PPP1R15B: variants seen among roughly 807,000 people sequenced by gnomAD.
The protein encoded by PPP1R15B is protein phosphatase 1 regulatory subunit 15B, also known as protein phosphatase 1, regulatory (inhibitor) subunit 15B.
PPP1R15B carries 31 observed loss-of-function variants against 53.9 expected under a neutral mutation model. That is an observed-to-expected ratio of 0.58 (90% CI 0.43 to 0.78). The LOEUF (loss-of-function observed/expected upper bound fraction) is 0.78, where lower values mean the gene tolerates loss of function less well. PPP1R15B is among the 30% of genes least tolerant of loss of function. The pLI is 0.00. For missense variants in PPP1R15B, 928 were observed against 849.6 expected (o/e 1.09, Z -1.15); for synonymous variants, 345 against 329.1 (o/e 1.05, Z -0.52).
At position 204,409,609 on chromosome 1, in the gene PPP1R15B, A is replaced by C; in HGVS notation, c.1803T>G (p.Cys601Trp). Residue 601 changes from cysteine to tryptophan, a missense_variant, in exon 1 of 2, where the codon TGT becomes TGG. Cys to Trp is a radical substitution (Grantham distance 215, BLOSUM62 -2). Transcript: ENST00000367188. ...GCACCTTACAAGAAAGTAAGGTGTG[A>C]CACTCAGAAATGGCCACAATGGACT... ...PSESIVAISECHTLLSCKVQL... is the reference protein window; with the variant it reads ...PSESIVAISEWHTLLSCKVQL... 1 of 1,614,142 alleles carries C rather than the reference A, an allele frequency of 6.2e-7. No individual in the cohort carries two copies. Among genetic ancestry groups the C allele is most frequent in the Non-Finnish European group, 8.5e-7 (1 of 1,180,028 alleles).
Position 204,410,518 on chromosome 1 carries a change from C to T in PPP1R15B, c.894G>A (p.Met298Ile), listed in dbSNP as rs1042018791. 1 of 1,614,054 alleles carries T rather than the reference C, an allele frequency of 6.2e-7. No individual in the cohort carries two copies. Among genetic ancestry groups the T allele is most frequent in the Non-Finnish European group, 8.5e-7 (1 of 1,180,046 alleles). ...EGLPEIHHLR[M>I]KRLEFLQQAS... Reference sequence around the variant, plus strand: ...CCTGTTGAAGGAATTCCAGCCGTTTCATGCGAAGATGGTGAATTTCTGGTA... The same window carrying T: ...CCTGTTGAAGGAATTCCAGCCGTTTTATGCGAAGATGGTGAATTTCTGGTA... The change falls in exon 1 of 2, where the codon ATG (methionine) becomes ATA (isoleucine). Residue 298 changes from methionine (M) to isoleucine (I), a missense_variant. Coordinates refer to ENST00000367188, the MANE Select transcript of PPP1R15B (RefSeq NM_032833.5).
At position 204,404,951 on chromosome 1, in the gene PPP1R15B, G is replaced by T; in HGVS notation, c.*1141C>A. The T allele has an allele frequency of 1.0e-6, 1 of 984,492 alleles. No individual in the cohort carries two copies. Among genetic ancestry groups the T allele is most frequent in the South Asian group, 4.7e-5 (1 of 21,254 alleles). The allele number at this position is 984,492 out of a possible 1,614,324, so 61.0% of individuals were successfully genotyped here. On this transcript the variant is annotated 3_prime_UTR_variant, in exon 2 of 2. Coordinates refer to ENST00000367188, the MANE Select transcript of PPP1R15B (RefSeq NM_032833.5). ...TTAATCTATACTTCTATCCTTTCCT[G>T]AAAGTAAAGGCCTTGCCATTACTTC...
At position 204,404,471 on chromosome 1, in the gene PPP1R15B, C is replaced by A. The variant is rs777134255; in HGVS notation, c.*1621G>T. 29 of 934,274 alleles carry A rather than the reference C, an allele frequency of 3.1e-5. No homozygotes were observed. The highest frequency in any genetic ancestry group is 3.6e-5 in the African/African-American group (2 of 55,648). The allele number at this position is 934,274 out of a possible 1,614,324, so 57.9% of individuals were successfully genotyped here. ...CTGCACTCCAAGCTGGGGGACCGAA[C>A]GAGACTCTGTCTCAAAAAAAAAAGA... On this transcript the variant is annotated 3_prime_UTR_variant, in exon 2 of 2. Coordinates refer to ENST00000367188, the MANE Select transcript of PPP1R15B (RefSeq NM_032833.5).
chr1:204,409,499 C>A lies in PPP1R15B; in HGVS notation c.1913G>T (p.Arg638Ile). 6.3e-7 allele frequency: 1 copy of A among 1,597,580 alleles called. No individual in the cohort carries two copies. Among genetic ancestry groups the A allele is most frequent in the South Asian group, 1.1e-5 (1 of 88,768 alleles). ...LSGGRHTHVK[R>I]KKVTFLEEVT... The stretch of plus-strand genomic sequence containing the variant: ...AAAAGACAAGAAACAAACCTTTTTT[C>A]TTTTGACATGTGTGTGTCTTCCTCC... The change falls in exon 1 of 2, where the codon AGA becomes ATA. Residue 638 changes from arginine (R) to isoleucine (I), a missense_variant. Physicochemically the swap from Arg to Ile is moderately conservative, Grantham distance 97. Transcript: ENST00000367188.
chr1:204,410,238 T>C lies in PPP1R15B; in HGVS notation c.1174A>G (p.Met392Val). The change falls in exon 1 of 2, where the codon ATG (methionine) becomes GTG (valine). Residue 392 changes from methionine (M) to valine (V), a missense_variant. By Grantham distance (21) the Met-to-Val change is conservative. Coordinates refer to ENST00000367188, the MANE Select transcript of PPP1R15B (RefSeq NM_032833.5). Reference sequence around the variant, plus strand: ...CGGCCCTCTCCAGGCTCCTTTTCCATAGGTATCTCACTAGATGGACAGCCC... The same window carrying C: ...CGGCCCTCTCCAGGCTCCTTTTCCACAGGTATCTCACTAGATGGACAGCCC... Reference protein sequence around the residue: ...SEGCPSSEIPMEKEPGEGRIS... With the variant: ...SEGCPSSEIPVEKEPGEGRIS... The C allele has an allele frequency of 6.2e-7, 1 of 1,614,172 alleles. No homozygotes were observed. Among genetic ancestry groups the C allele is most frequent in the South Asian group, 1.1e-5 (1 of 91,086 alleles).
downstream of PPP1R15B, among the ~76,000 whole-genome samples, chr1:204,396,889 A>T (rs1674107110): frequency 6.6e-6 from 1 of 152,178 alleles, no homozygotes; most frequent in African/African-American, 2.4e-5. Flanking sequence ...AGTCAATAAC[A>T]ATGTATTATA....
Position 204,403,875 on chromosome 1 carries a change from C to T in PPP1R15B, c.*2217G>A. 1.0e-6 allele frequency: 1 copy of T among 985,388 alleles called. No individual in the cohort carries two copies. 61.0% of individuals were successfully genotyped at this position (985,388 alleles called of 1,614,324 possible). The stretch of plus-strand genomic sequence containing the variant: ...CTTCTGATCACTTCTTCCAAGGAGG[C>T]TAGTATATGGAAGAACTCTTAATCA... On this transcript the variant is annotated 3_prime_UTR_variant, in exon 2 of 2. Coordinates refer to ENST00000367188, the MANE Select transcript of PPP1R15B (RefSeq NM_032833.5).
chr1:204,405,700 G>A lies in PPP1R15B; in HGVS notation c.*392C>T, dbSNP rs931279628. 5.7e-5 allele frequency: 56 copies of A among 987,750 alleles called. No individual in the cohort carries two copies. The African/African-American group carries it at 9.1e-4, about 16-fold the overall frequency. The allele number at this position is 987,750 out of a possible 1,614,324, so 61.2% of individuals were successfully genotyped here. A position where few individuals can be genotyped will look rare whatever the true frequency, so the allele number is the denominator to read the frequency against. On this transcript the variant is annotated 3_prime_UTR_variant, in exon 2 of 2. Coordinates refer to ENST00000367188, the MANE Select transcript of PPP1R15B (RefSeq NM_032833.5). ...AACAAGAAAGAGCCCAAAGTTTTCA[G>A]ATAGGCACACATAATTTAGATTAGA...
rs894767894 is a variant in PPP1R15B, at chr1:204,404,307, C to A, written c.*1785G>T. ...GACCAGTCTGGCCAACATAGCGAAA[C>A]CCCGTCTCTACTAAAAAGACACAAA... On this transcript the variant is annotated 3_prime_UTR_variant, in exon 2 of 2. Transcript: ENST00000367188. 1.1e-5 allele frequency: 8 copies of A among 738,444 alleles called. No homozygotes were observed. The highest frequency in any genetic ancestry group is 1.3e-5 in the Non-Finnish European group (8 of 605,090). The allele number at this position is 738,444 out of a possible 1,614,324, so 45.7% of individuals were successfully genotyped here.
In PPP1R15B at chr1:204,411,063, C is replaced by G; in HGVS notation, c.349G>C (p.Ala117Pro). Residue 117 changes from alanine (A) to proline (P), a missense_variant, in exon 1 of 2, where the codon GCC becomes CCC. Coordinates refer to ENST00000367188, the MANE Select transcript of PPP1R15B (RefSeq NM_032833.5). ...RALKGREKPAAPTAQKSLSSL... is the reference protein window; with the variant it reads ...RALKGREKPAPPTAQKSLSSL... ...CTCAAAGATTTCTGCGCTGTGGGGG[C>G]GGCTGGTTTCTCCCGTCCCTTCAGG... 1 of 1,614,182 alleles carries G rather than the reference C, an allele frequency of 6.2e-7. No individual in the cohort carries two copies. Among genetic ancestry groups the G allele is most frequent in the South Asian group, 1.1e-5 (1 of 91,086 alleles).
downstream of PPP1R15B, among the ~76,000 whole-genome samples, chr1:204,399,305 A>G (rs1674137033): frequency 6.6e-6 from 1 of 152,112 alleles, no homozygotes; most frequent in African/African-American, 2.4e-5. Context: ...GCTCACGCCT[A>G]TAATCCCAGC....
chr1:204,406,904 CA>C lies in PPP1R15B; in HGVS notation c.1921-592del, dbSNP rs201807629. On this transcript the variant is annotated intron_variant, in intron 1 of 1. Coordinates refer to ENST00000367188, the MANE Select transcript of PPP1R15B (RefSeq NM_032833.5). Reference sequence around the variant, plus strand: ...TACACACACAGTCGTCTGCCCCCCCCAATCCCCCACCAGCCCTTGGCTTTTG... The same window carrying C: ...TACACACACAGTCGTCTGCCCCCCCCATCCCCCACCAGCCCTTGGCTTTTG... Among the ~76,000 whole-genome samples the C allele has an allele frequency of 3.6e-3, 550 of 152,176 alleles. 2 individuals are homozygous for C. The highest frequency in any genetic ancestry group is 0.012 in the African/African-American group (485 of 41,464).
rs747846588 is a variant in PPP1R15B, at chr1:204,411,299, G to A, written c.113C>T (p.Thr38Met). 1.2e-6 allele frequency: 2 copies of A among 1,614,106 alleles called. No individual in the cohort carries two copies. The highest frequency in any genetic ancestry group is 2.2e-5 in the East Asian group (1 of 44,896). ...RSQAGSSKFP[T>M]PLGPENSGNP... is the part of the protein sequence containing the mutation. The stretch of plus-strand genomic sequence containing the variant: ...CCCGGAGTTTTCCGGGCCAAGAGGC[G>A]TCGGGAACTTAGAAGAGCCTGCTTG... The change falls in exon 1 of 2, where the codon ACG becomes ATG. Residue 38 changes from threonine (T) to methionine (M), a missense_variant. Transcript: ENST00000367188.
chr1:204,399,395 T>C (rs1572249885), downstream of PPP1R15B, among the ~76,000 whole-genome samples: 1 of 152,166 alleles, frequency 6.6e-6, no homozygotes, highest in East Asian at 1.9e-4. Flanking sequence ...ACCCCATCTC[T>C]ACAAAAAAAT....
rs776877937 is a variant in PPP1R15B, at chr1:204,409,508, T to C, written c.1904A>G (p.His635Arg). The C allele has an allele frequency of 9.3e-6, 15 of 1,609,866 alleles. No homozygotes were observed. In the East Asian group the frequency reaches 1.3e-4, roughly 14 times the overall value. ...GAAACAAACCTTTTTTCTTTTGACA[T>C]GTGTGTGTCTTCCTCCAGAAAGAAC... ...RDVLSGGRHTHVKRKKVTFLE... is the reference protein window; with the variant it reads ...RDVLSGGRHTRVKRKKVTFLE... The change falls in exon 1 of 2, where the codon CAT becomes CGT. Residue 635 changes from histidine to arginine, a missense_variant. Transcript: ENST00000367188.
rs1233182002 is a variant in PPP1R15B, at chr1:204,405,329, C to G, written c.*763G>C. The G allele has an allele frequency of 1.0e-6, 1 of 981,050 alleles. No homozygotes were observed. The highest frequency in any genetic ancestry group is 1.2e-6 in the Non-Finnish European group (1 of 826,040). 60.8% of individuals were successfully genotyped at this position (981,050 alleles called of 1,614,324 possible). A position where few individuals can be genotyped will look rare whatever the true frequency, so the allele number is the denominator to read the frequency against. Reference sequence around the variant, plus strand: ...AAGAACTATATTAAACTGGGAACTACAATAACGTACACAGAACCCTCTTCA... The same window carrying G: ...AAGAACTATATTAAACTGGGAACTAGAATAACGTACACAGAACCCTCTTCA... On this transcript the variant is annotated 3_prime_UTR_variant, in exon 2 of 2. Coordinates refer to ENST00000367188, the MANE Select transcript of PPP1R15B (RefSeq NM_032833.5).
chr1:204,410,054 T>A lies in PPP1R15B; in HGVS notation c.1358A>T (p.Glu453Val). ...PEGEDWDEEA[E>V]DDGFDSDSSL... ...GCTATCACTATCAAAACCATCATCC[T>A]CAGCTTCCTCATCCCAATCCTCACC... is the stretch of plus-strand genomic sequence containing the variant. The change falls in exon 1 of 2, where the codon GAG becomes GTG. Residue 453 changes from glutamate (E) to valine (V), a missense_variant. Coordinates refer to ENST00000367188, the MANE Select transcript of PPP1R15B (RefSeq NM_032833.5). 6.2e-7 allele frequency: 1 copy of A among 1,614,212 alleles called. No individual in the cohort carries two copies. The highest frequency in any genetic ancestry group is 8.5e-7 in the Non-Finnish European group (1 of 1,180,038).
chr1:204,406,453 AG>A (rs781575464), intron 1 of PPP1R15B, 140 bp from the exon 2 acceptor site: 122 of 1,271,214 alleles, frequency 9.6e-5, no homozygotes, highest in Non-Finnish European at 1.2e-4. Flanking sequence ...ATTTGGTCCC[AG>A]CTATATTTGA....
chr1:204,411,005 A>T lies in PPP1R15B; in HGVS notation c.407T>A (p.Val136Asp). ...CTCTAGCCAATCAAGGGGACTGGTG[A>T]CCGAGGGGTCTGAGGAGTCGAGCTG... ...SLQLDSSDPS[V>D]TSPLDWLEEG... The change falls in exon 1 of 2, where the codon GTC becomes GAC. Residue 136 changes from valine (V) to aspartate (D), a missense_variant. By Grantham distance (152) the Val-to-Asp change is radical (BLOSUM62 -3). Coordinates refer to ENST00000367188, the MANE Select transcript of PPP1R15B (RefSeq NM_032833.5). 1 of 1,614,120 alleles carries T rather than the reference A, an allele frequency of 6.2e-7. No individual in the cohort carries two copies. The highest frequency in any genetic ancestry group is 8.5e-7 in the Non-Finnish European group (1 of 1,180,012).
Sources: allele counts gnomAD v4.1 joint callset (sites outside exome capture counted in the v4.1 genomes callset), GRCh38; gene constraint gnomAD v4.1.1; transcripts MANE v1.5; gene names NCBI Gene and HGNC (gene_info 2026-07-23, HGNC 2026-07-21).